MARK3: variants seen among roughly 807,000 people sequenced by gnomAD.
MARK3 encodes microtubule affinity regulating kinase 3, also known as MAP/microtubule affinity-regulating kinase 3.
Under a neutral mutation model 90.1 loss-of-function variants are expected in MARK3, and 46 were observed. The ratio of observed to expected loss-of-function variants is 0.51; its 90% CI spans 0.40 to 0.65. MARK3 has a LOEUF of 0.65. MARK3 is among the 30% of genes least tolerant of loss of function. The probability of loss-of-function intolerance (pLI) is 0.00; values close to 1 mark genes in which losing one functional copy is unlikely to be tolerated. For missense variants in MARK3, 818 were observed against 947.2 expected (o/e 0.86, Z 1.79); for synonymous variants, 321 against 332.6 (o/e 0.97, Z 0.38).
intron 2 of MARK3, among the ~76,000 whole-genome samples, chr14:103,420,723 A>C (rs2092177828): frequency 6.6e-6 from 1 of 152,144 alleles, no homozygotes. Context: ...ACCTGTTCGA[A>C]AAAATTTATT....
At chr14:103,433,093 C>CTTTTTTTTTTT (rs1285320294) in intron 3 of MARK3, among the ~76,000 whole-genome samples, 3 of 118,034 alleles carry the variant, frequency 2.5e-5, no homozygotes, top group South Asian at 2.5e-4. Context: ...CTTTTCTTTT[C>CTTTTTTTTTTT]TTTTTTTTTT....
At chr14:103,411,192 T>A in intron 2 of MARK3, among the ~76,000 whole-genome samples, 1 of 152,230 alleles carries the variant, frequency 6.6e-6, no homozygotes, top group East Asian at 1.9e-4. Flanking sequence ...GAGAATGGCA[T>A]GAACCCGGGA....
At chr14:103,491,214 G>A (rs1363162800) in intron 14 of MARK3, 8 of 820,328 alleles carry the variant, frequency 9.8e-6, no homozygotes, top group Middle Eastern at 2.9e-4. Flanking sequence ...TCCACAAGGC[G>A]TCCTTCCTCC....
rs538619519 is a variant in MARK3, at chr14:103,393,820, C to T, written c.51+7740C>T. Among the ~76,000 whole-genome samples the T allele has an allele frequency of 2.0e-5, 3 of 150,652 alleles. No homozygotes were observed. In the South Asian group the frequency reaches 6.3e-4, roughly 32 times the overall value. Reference sequence around the variant, plus strand: ...TTGTTGCCAGGCTGGAGTGCAATCTCGTGACCTTGGCTCACTGCAACCTCC... The same window carrying T: ...TTGTTGCCAGGCTGGAGTGCAATCTTGTGACCTTGGCTCACTGCAACCTCC... On this transcript the variant is annotated intron_variant, in intron 1 of 17. Transcript: ENST00000429436.
chr14:103,436,377 T>C (rs968484584), intron 3 of MARK3, among the ~76,000 whole-genome samples: 2 of 151,880 alleles, frequency 1.3e-5, no homozygotes, highest in Non-Finnish European at 2.9e-5. Context: ...TCCTTTTCAT[T>C]GAACAACTCT....
At chr14:103,480,247 C>G (rs774280680) in intron 13 of MARK3, 140 bp from the exon 14 acceptor site, 2 of 553,876 alleles carry the variant, frequency 3.6e-6, no homozygotes, top group Non-Finnish European at 6.4e-6. Context: ...TGCACTCCAG[C>G]CTGGGTGACA....
At chr14:103,446,532 A>G (rs1253219215) in intron 3 of MARK3, among the ~76,000 whole-genome samples, 1 of 151,988 alleles carries the variant, frequency 6.6e-6, no homozygotes, top group East Asian at 1.9e-4. Context: ...AAAAATAAAT[A>G]AATAAACAAA....
At chr14:103,388,002 G>A (rs1051650751) in intron 1 of MARK3, among the ~76,000 whole-genome samples, 1 of 152,064 alleles carries the variant, frequency 6.6e-6, no homozygotes, top group South Asian at 2.1e-4. Flanking sequence ...CATGATCTCG[G>A]CTCACTGCAA....
chr14:103,412,375 T>TA (rs1414060723), intron 2 of MARK3: 4 of 627,602 alleles, frequency 6.4e-6, no homozygotes, highest in East Asian at 5.7e-5. Flanking sequence ...AAGGGAACTT[T>TA]ACTGCCTTTG....
At chr14:103,386,793 A>C (rs1338671387) in intron 1 of MARK3, among the ~76,000 whole-genome samples, 1 of 152,212 alleles carries the variant, frequency 6.6e-6, no homozygotes, top group Non-Finnish European at 1.5e-5. Flanking sequence ...CTTCCTAAAA[A>C]GAGATTGGCT....
At chr14:103,439,632 C>T (rs1371569782) in intron 3 of MARK3, among the ~76,000 whole-genome samples, 2 of 151,956 alleles carry the variant, frequency 1.3e-5, no homozygotes, top group South Asian at 2.1e-4. Context: ...CGGTCTTGAA[C>T]TCCTGACCTC....
intron 2 of MARK3, among the ~76,000 whole-genome samples, chr14:103,415,530 GC>G (rs1392934574): frequency 1.3e-5 from 2 of 152,130 alleles, no homozygotes; most frequent in African/African-American, 2.4e-5. Flanking sequence ...GATGTTAGTT[GC>G]ATCTGCTGTC....
intron 1 of MARK3, among the ~76,000 whole-genome samples, chr14:103,404,191 G>A (rs997513288): frequency 6.6e-6 from 1 of 152,104 alleles, no homozygotes; most frequent in Non-Finnish European, 1.5e-5. Flanking sequence ...GTTAAATCAG[G>A]CTTGTTTTGA....
chr14:103,452,074 G>A, intron 5 of MARK3, 91 bp downstream of exon 5: 1 of 841,992 alleles, frequency 1.2e-6, no homozygotes, highest in South Asian at 1.6e-5. Flanking sequence ...CATCATTAAG[G>A]TCTCATTTAA....
chr14:103,405,787 C>CG (rs2091254884), intron 2 of MARK3, among the ~76,000 whole-genome samples: 1 of 144,276 alleles, frequency 6.9e-6, no homozygotes, highest in Non-Finnish European at 1.5e-5. Context: ...TTTGTAGAGA[C>CG]GGGGTTTCAC....
intron 15 of MARK3, among the ~76,000 whole-genome samples, chr14:103,492,658 G>A (rs1487426415): frequency 2.6e-5 from 4 of 152,100 alleles, no homozygotes; most frequent in African/African-American, 4.8e-5. Context: ...ATGATTCTTG[G>A]CTGATGGTCC....
chr14:103,409,557 T>C (rs979008748), intron 2 of MARK3, among the ~76,000 whole-genome samples: 1 of 151,290 alleles, frequency 6.6e-6, no homozygotes, highest in South Asian at 2.1e-4. Context: ...TATAGAAATA[T>C]AGAAATTCAT....
In MARK3 at chr14:103,426,215, A is replaced by G. The variant is rs143155678; in HGVS notation, c.244-2172A>G. ...GCTTGTATGAAAATTTCATACAAAT[A>G]TATTATTTGTGTTATAATGTGCTTA... On this transcript the variant is annotated intron_variant, in intron 2 of 17. Transcript: ENST00000429436. 3.7e-3 allele frequency among the ~76,000 whole-genome samples: 559 copies of G among 152,036 alleles called. 4 individuals carry two copies. Among genetic ancestry groups the G allele is most frequent in the Non-Finnish European group, 5.9e-3 (401 of 68,014 alleles).
At position 103,463,075 on chromosome 14, in the gene MARK3, C is replaced by T. The variant is rs190388709; in HGVS notation, c.540+614C>T. On this transcript the variant is annotated intron_variant, in intron 7 of 17. Coordinates refer to ENST00000429436, the MANE Select transcript of MARK3 (RefSeq NM_001128918.3). Reference sequence around the variant, plus strand: ...CTCTGTCTGATGCCTCTTTTCTCTCCGTTTGTTTATTCACTCTCCTTCTCT... The same window carrying T: ...CTCTGTCTGATGCCTCTTTTCTCTCTGTTTGTTTATTCACTCTCCTTCTCT... Among the ~76,000 whole-genome samples, 397 of 152,118 alleles carry T rather than the reference C, an allele frequency of 2.6e-3. 5 individuals are homozygous for T. The highest frequency in any genetic ancestry group is 8.4e-4 in the Non-Finnish European group (57 of 68,014).
Sources: gnomAD v4.1 joint callset for allele counts (sites outside exome capture counted in the v4.1 genomes callset) on GRCh38, gnomAD v4.1.1 for gene constraint, MANE v1.5 for transcripts, NCBI Gene and HGNC (gene_info 2026-07-23, HGNC 2026-07-21) for gene names.